Variants in ACACB observed in about 807,000 individuals in gnomAD.
ACACB encodes the protein acetyl-CoA carboxylase 2.
Under a neutral mutation model 278.8 loss-of-function variants are expected in ACACB, and 209 were observed. The ratio of observed to expected loss-of-function variants is 0.75; its 90% CI spans 0.67 to 0.84. The LOEUF is 0.84. ACACB is among the 40% of genes least tolerant of loss of function. The pLI is 0.00. For missense variants in ACACB, 2,850 were observed against 3,269.0 expected (o/e 0.87, Z 3.13); for synonymous variants, 1,174 against 1,285.6 (o/e 0.91, Z 1.86).
chr12:109,188,126 G>A lies in ACACB; in HGVS notation c.2108G>A (p.Cys703Tyr). 1 of 1,611,362 alleles carries A rather than the reference G, an allele frequency of 6.2e-7. No homozygotes were observed. The highest frequency in any genetic ancestry group is 8.5e-7 in the Non-Finnish European group (1 of 1,177,772). Reference sequence around the variant, plus strand: ...TTTGCGGATTCCCAATTTGGGCACTGCTTCTCCTGGGGAGAGAACCGGGAA... The same window carrying A: ...TTTGCGGATTCCCAATTTGGGCACTACTTCTCCTGGGGAGAGAACCGGGAA... ...HEFADSQFGH[C>Y]FSWGENREEA... Residue 703 changes from cysteine (C) to tyrosine (Y), a missense_variant, in exon 13 of 53, where the codon TGC becomes TAC. By Grantham distance (194) the Cys-to-Tyr change is radical (BLOSUM62 -2). Transcript: ENST00000338432.
chr12:109,201,831 G>T, intron 19 of ACACB, 130 bp downstream of exon 19: 2 of 1,277,718 alleles, frequency 1.6e-6, no homozygotes, highest in Non-Finnish European at 2.1e-6. Flanking sequence ...AGAGCTCGTC[G>T]CAGCAGCCAC....
At chr12:109,144,537 G>C (rs1394134210) in intron 2 of ACACB, among the ~76,000 whole-genome samples, 2 of 151,998 alleles carry the variant, frequency 1.3e-5, no homozygotes, top group East Asian at 3.9e-4. Context: ...GGTGTCAAAA[G>C]ACAAAATCAC....
intron 41 of ACACB, among the ~76,000 whole-genome samples, chr12:109,251,498 AT>A (rs1308136191): frequency 6.6e-6 from 1 of 152,178 alleles, no homozygotes; most frequent in African/African-American, 2.4e-5. Context: ...TCTAGATTAT[AT>A]GTATAGTCTT....
At chr12:109,114,260 C>A (rs554542052), upstream of ACACB, among the ~76,000 whole-genome samples, 2 of 152,244 alleles carry the variant, frequency 1.3e-5, no homozygotes, top group South Asian at 4.1e-4. Context: ...ACCAGGAGAT[C>A]AATAATTTAT....
chr12:109,167,293 A>T (rs185697370), intron 3 of ACACB: 55 of 264,110 alleles, frequency 2.1e-4, no homozygotes, highest in African/African-American at 1.1e-3. Flanking sequence ...AAAAAAAATC[A>T]TTCACTGGGC....
chr12:109,230,399 C>G (rs1057277380), intron 28 of ACACB, among the ~76,000 whole-genome samples: 3 of 142,316 alleles, frequency 2.1e-5, no homozygotes, highest in African/African-American at 5.5e-5. Context: ...TAGCTGTCTA[C>G]TCCTGAGAAG....
rs1292928228 is a variant in ACACB at position 109,167,891 on chromosome 12, T to C, written c.787-5T>C. On this transcript the variant is annotated splice_polypyrimidine_tract_variant and splice_region_variant and intron_variant, in intron 3 of 52. Transcript: ENST00000338432. Reference sequence around the variant, plus strand: ...CTACAGCTCCTTCCTTGTCTTCCCATGCAGGTGCTTATTGCCAACAACGGG... The same window carrying C: ...CTACAGCTCCTTCCTTGTCTTCCCACGCAGGTGCTTATTGCCAACAACGGG... 1 of 1,613,912 alleles carries C rather than the reference T, an allele frequency of 6.2e-7. No homozygotes were observed.
chr12:109,223,962 C>G, intron 27 of ACACB, 58 bp downstream of exon 27: 1 of 1,422,984 alleles, frequency 7.0e-7, no homozygotes, highest in South Asian at 1.1e-5. Flanking sequence ...TGTTCACTGC[C>G]GCTACCATGC....
intron 49 of ACACB, chr12:109,262,982 A>ATATATATATATATATATT (rs1168270528): frequency 1.0e-4 from 14 of 137,626 alleles, no homozygotes; most frequent in Non-Finnish European, 1.9e-4. Context: ...ATATATATAT[A>ATATATATATATATATATT]TTGCCATCGT....
intron 33 of ACACB, chr12:109,236,269 C>T (rs1361433038): frequency 6.5e-6 from 1 of 152,682 alleles, no homozygotes; most frequent in Non-Finnish European, 1.5e-5. Flanking sequence ...CCCTCTGTTC[C>T]CTGCATGGCA....
At position 109,262,844 on chromosome 12, in the gene ACACB, T is replaced by C. The variant is rs370410703; in HGVS notation, c.6787+375T>C. ...GTTGCCCAGGCTGTTCTCAAACTCC[T>C]GGGCTCAAGCAATCCACCTACCTCA... is the stretch of plus-strand genomic sequence containing the variant. On this transcript the variant is annotated intron_variant, in intron 49 of 52. Coordinates refer to ENST00000338432, the MANE Select transcript of ACACB (RefSeq NM_001093.4). Among the ~76,000 whole-genome samples the C allele has an allele frequency of 4.6e-5, 7 of 150,846 alleles. No individual in the cohort carries two copies. In the East Asian group the frequency reaches 1.2e-3, roughly 25 times the overall value.
chr12:109,242,698 C>A, intron 37 of ACACB, 106 bp downstream of exon 37: 1 of 1,401,322 alleles, frequency 7.1e-7, no homozygotes, highest in Non-Finnish European at 9.8e-7. Context: ...GTCTAAAGGA[C>A]AAGGTCTTGC....
chr12:109,181,702 A>G (rs1339836990), intron 11 of ACACB, among the ~76,000 whole-genome samples: 1 of 151,958 alleles, frequency 6.6e-6, no homozygotes, highest in Non-Finnish European at 1.5e-5. Flanking sequence ...TGGTAGTTCT[A>G]CTTTTAGTTT....
At chr12:109,215,631 G>A (rs1338969340) in intron 22 of ACACB, among the ~76,000 whole-genome samples, 1 of 152,106 alleles carries the variant, frequency 6.6e-6, no homozygotes, top group Non-Finnish European at 1.5e-5. Context: ...GAGCGTGGGT[G>A]GCAGGCGCCT....
intron 16 of ACACB, among the ~76,000 whole-genome samples, chr12:109,195,063 A>G (rs2045067589): frequency 6.6e-6 from 1 of 152,150 alleles, no homozygotes; most frequent in Non-Finnish European, 1.5e-5. Flanking sequence ...CAACAGTGTC[A>G]GAAATGTCTC....
In ACACB at chr12:109,193,650, G is replaced by T. The variant is rs2044978464; in HGVS notation, c.2402G>T (p.Gly801Val). The T allele has an allele frequency of 6.2e-7, 1 of 1,613,126 alleles. No individual in the cohort carries two copies. The highest frequency in any genetic ancestry group is 8.5e-7 in the Non-Finnish European group (1 of 1,179,148). Residue 801 changes from glycine to valine, a missense_variant and splice_region_variant, in exon 16 of 53, where the codon GGC becomes GTC. By Grantham distance (109) the Gly-to-Val change is moderately radical. This residue lies in a region of ACACB where 2,265 missense variants were observed against 2,561.3 expected (regional missense o/e 0.88). Transcript: ENST00000338432. ...CACAACCCTGTCTTTTCTTTCAGGGGCCAGGTCCTCCCAGCGGATTCACTA... is the reference window on the plus strand; with the variant it reads ...CACAACCCTGTCTTTTCTTTCAGGGTCCAGGTCCTCCCAGCGGATTCACTA... ...MTDFLHSLER[G>V]QVLPADSLLN...
chr12:109,223,978 A>C, intron 27 of ACACB, 74 bp downstream of exon 27: 1 of 1,241,470 alleles, frequency 8.1e-7, no homozygotes, highest in South Asian at 1.2e-5. Context: ...CATGCACCTG[A>C]CCCTAGGCCA....
At chr12:109,122,788 A>G (rs1409033241) in intron 1 of ACACB, among the ~76,000 whole-genome samples, 1 of 151,976 alleles carries the variant, frequency 6.6e-6, no homozygotes, top group Admixed American at 6.6e-5. Flanking sequence ...TGGTCCCCCA[A>G]TGCATTCATC....
chr12:109,230,328 CTGCT>C (rs1298555444), intron 28 of ACACB, among the ~76,000 whole-genome samples: 1 of 152,230 alleles, frequency 6.6e-6, no homozygotes, highest in African/African-American at 2.4e-5. Context: ...AGGGGACTGA[CTGCT>C]TGCAGCCTGG....
Sources: allele counts gnomAD v4.1 joint callset (sites outside exome capture counted in the v4.1 genomes callset), GRCh38; gene constraint gnomAD v4.1.1; regional missense constraint gnomAD v4.1.1; transcripts MANE v1.5; gene names NCBI Gene and HGNC (gene_info 2026-07-23, HGNC 2026-07-21).